Variants in NEXN observed in about 807,000 individuals in gnomAD.
The protein encoded by NEXN is nexilin F-actin binding protein, also known as nexilin.
Under a neutral mutation model 92.6 loss-of-function variants are expected in NEXN, and 65 were observed. The ratio of observed to expected loss-of-function variants is 0.70; its 90% CI spans 0.57 to 0.86. The LOEUF (loss-of-function observed/expected upper bound fraction) is 0.86. Ranked by LOEUF, NEXN falls within the 40% of genes least tolerant of loss-of-function variation. The probability of loss-of-function intolerance (pLI) is 0.00; values close to 1 mark genes in which losing one functional copy is unlikely to be tolerated. For missense variants in NEXN, 778 were observed against 771.1 expected (o/e 1.01, Z -0.11); for synonymous variants, 254 against 242.5 (o/e 1.05, Z -0.44).
rs1205881763 is a variant in NEXN at position 77,888,705 on chromosome 1, GCA to G, written c.-104_-103del. 1 of 155,286 alleles carries G rather than the reference GCA, an allele frequency of 6.4e-6. No homozygotes were observed. Among genetic ancestry groups the G allele is most frequent in the Non-Finnish European group, 1.4e-5 (1 of 69,436 alleles). 9.6% of individuals were successfully genotyped at this position (155,286 alleles called of 1,614,324 possible). On this transcript the variant is annotated 5_prime_UTR_variant, in exon 1 of 13. Coordinates refer to ENST00000334785, the MANE Select transcript of NEXN (RefSeq NM_144573.4). The stretch of plus-strand genomic sequence containing the variant: ...CCCTACCCACAGCCAGGCGGGACGC[GCA>G]CAGTCCCTCCACGCGGAAAGAAGTA...
intron 12 of NEXN, 92 bp downstream of exon 12, chr1:77,942,300 TTTTC>T (rs1651413652): frequency 6.9e-7 from 1 of 1,457,710 alleles, no homozygotes; most frequent in African/African-American, 1.4e-5. Flanking sequence ...GTTTTAATGG[TTTTC>T]TTTCAAGTCA....
chr1:77,917,784 G>C, intron 3 of NEXN, 27 bp downstream of exon 3: 4 of 1,551,874 alleles, frequency 2.6e-6, no homozygotes, highest in Non-Finnish European at 3.6e-6. Flanking sequence ...TTATTCTCGT[G>C]AAAATATTTG....
chr1:77,937,413 GCACGGTGGCT>G (rs1441412708), intron 11 of NEXN, among the ~76,000 whole-genome samples: 1 of 151,988 alleles, frequency 6.6e-6, no homozygotes, highest in Non-Finnish European at 1.5e-5. Context: ...TTGAGGCCAG[GCACGGTGGCT>G]CACGCCTGTA....
chr1:77,921,257 G>C (rs1649396170), intron 5 of NEXN, among the ~76,000 whole-genome samples: 1 of 152,052 alleles, frequency 6.6e-6, no homozygotes, highest in Admixed American at 6.6e-5. Flanking sequence ...AGGCTAAAGT[G>C]GGAGGATTGC....
intron 12 of NEXN, 115 bp from the exon 13 acceptor site, chr1:77,942,346 A>T (rs1651418446): frequency 7.4e-7 from 1 of 1,354,008 alleles, no homozygotes. Context: ...ACTTTGTAGT[A>T]GGCACACTTG....
chr1:77,920,768 T>C (rs954600957), intron 5 of NEXN, among the ~76,000 whole-genome samples: 1 of 151,920 alleles, frequency 6.6e-6, no homozygotes, highest in Non-Finnish European at 1.5e-5. Flanking sequence ...TTAAAGTCCA[T>C]CAGCTTAGAA....
At chr1:77,924,439 T>C (rs1649692448) in intron 5 of NEXN, among the ~76,000 whole-genome samples, 1 of 152,206 alleles carries the variant, frequency 6.6e-6, no homozygotes, top group Admixed American at 6.5e-5. Context: ...ATATTTATGT[T>C]GTAAAATATA....
intron 12 of NEXN, 25 bp from the exon 13 acceptor site, chr1:77,942,436 C>T: frequency 6.2e-7 from 1 of 1,606,474 alleles, no homozygotes; most frequent in Non-Finnish European, 8.5e-7. Flanking sequence ...TAAATGCCAA[C>T]CTGAATGCAT....
At chr1:77,910,681 G>A (rs1309000020) in intron 1 of NEXN, among the ~76,000 whole-genome samples, 1 of 150,344 alleles carries the variant, frequency 6.7e-6, no homozygotes, top group Non-Finnish European at 1.5e-5. Context: ...AACCCGAGAG[G>A]TGGAGGTTGC....
intron 1 of NEXN, among the ~76,000 whole-genome samples, chr1:77,905,908 A>G (rs978344412): frequency 1.3e-5 from 2 of 152,148 alleles, no homozygotes; most frequent in Non-Finnish European, 2.9e-5. Flanking sequence ...GAGTTGTGCC[A>G]GTATTACAGT....
intron 1 of NEXN, among the ~76,000 whole-genome samples, chr1:77,906,808 C>T (rs1370081164): frequency 1.3e-5 from 2 of 151,964 alleles, no homozygotes; most frequent in East Asian, 3.9e-4. Context: ...GGACATGCCA[C>T]CACACCCAGA....
chr1:77,928,053 A>G lies in NEXN; in HGVS notation c.864+1161A>G, dbSNP rs183686929. On this transcript the variant is annotated intron_variant, in intron 8 of 12. Coordinates refer to ENST00000334785, the MANE Select transcript of NEXN (RefSeq NM_144573.4). ...CGCCAGGCATGGTGGCCATGCCTGT[A>G]ATCTCAGCACTTTGGAAGGCTGAGG... is the stretch of plus-strand genomic sequence containing the variant. Among the ~76,000 whole-genome samples the G allele has an allele frequency of 2.7e-3, 412 of 152,252 alleles. 1 individual carries two copies. The highest frequency in any genetic ancestry group is 4.4e-3 in the Non-Finnish European group (297 of 68,020).
chr1:77,899,564 C>T (rs898107948), intron 1 of NEXN, among the ~76,000 whole-genome samples: 6 of 151,666 alleles, frequency 4.0e-5, no homozygotes, highest in African/African-American at 1.5e-4. Context: ...TGCTAAATGA[C>T]GAGTTAATGG....
chr1:77,917,706 A>G lies in NEXN; in HGVS notation c.168A>G (p.Arg56=). 2 of 1,612,028 alleles carry G rather than the reference A, an allele frequency of 1.2e-6. No individual in the cohort carries two copies. Among genetic ancestry groups the G allele is most frequent in the South Asian group, 2.2e-5 (2 of 90,776 alleles). The change falls in exon 3 of 13, where the codon AGA becomes AGG. Residue 56 remains arginine (R), a synonymous_variant. Coordinates refer to ENST00000334785, the MANE Select transcript of NEXN (RefSeq NM_144573.4). ...GGAGATCTAGAGACGAAAAACAAAG[A>G]AGAAAAGAACAATATATTAGAGAGA... The part of the protein sequence containing the change: ...NQRRSRDEKQ[R]RKEQYIRERE...
intron 10 of NEXN, among the ~76,000 whole-genome samples, chr1:77,934,011 ATTTTT>A (rs71075780): frequency 8.7e-6 from 1 of 114,310 alleles, no homozygotes; most frequent in South Asian, 2.6e-4. Flanking sequence ...CTAATTTTTA[ATTTTT>A]TTTTTTTTTT....
chr1:77,893,434 G>A (rs74092325), intron 1 of NEXN, among the ~76,000 whole-genome samples: 2,658 of 152,074 alleles, frequency 0.017, 90 homozygotes, highest in African/African-American at 0.061. Context: ...GAAGCCTCAG[G>A]TTTCTGGTTG....
rs373680705 is a variant in NEXN at position 77,942,164 on chromosome 1, C to T, written c.1615C>T (p.Arg539Cys). 26 of 1,613,660 alleles carry T rather than the reference C, an allele frequency of 1.6e-5. No individual in the cohort carries two copies. The highest frequency in any genetic ancestry group is 7.7e-5 in the South Asian group (7 of 91,062). The stretch of plus-strand genomic sequence containing the variant: ...AAGAATTGAAGAACAAAAGTTACTA[C>T]GCATGCAGTTTGAACAAAGGGAAAT... ...QRRIEEQKLL[R>C]MQFEQREIDA... Residue 539 changes from arginine (R) to cysteine (C), a missense_variant, in exon 12 of 13, where the codon CGC (arginine) becomes TGC (cysteine). Transcript: ENST00000334785.
intron 1 of NEXN, among the ~76,000 whole-genome samples, chr1:77,898,193 G>A (rs979935295): frequency 3.9e-5 from 6 of 152,232 alleles, no homozygotes; most frequent in South Asian, 2.1e-4. Context: ...AAAAGAACCC[G>A]CATCACCAAG....
At chr1:77,900,414 T>C (rs1332795530) in intron 1 of NEXN, among the ~76,000 whole-genome samples, 1 of 152,166 alleles carries the variant, frequency 6.6e-6, no homozygotes, top group Non-Finnish European at 1.5e-5. Flanking sequence ...ATATAATAAT[T>C]AGTACATCTA....
Sources: gnomAD v4.1 joint callset for allele counts (sites outside exome capture counted in the v4.1 genomes callset) on GRCh38, gnomAD v4.1.1 for gene constraint, MANE v1.5 for transcripts, NCBI Gene and HGNC (gene_info 2026-07-23, HGNC 2026-07-21) for gene names.